The following DDAH1 variants were observed in gnomAD, a reference collection of about 807,000 sequenced individuals.
The protein encoded by DDAH1 is dimethylarginine dimethylaminohydrolase 1, also known as N(G),N(G)-dimethylarginine dimethylaminohydrolase 1.
Under a neutral mutation model 28.8 loss-of-function variants are expected in DDAH1, and 19 were observed. The ratio of observed to expected loss-of-function variants is 0.66; its 90% CI spans 0.46 to 0.97. DDAH1 has a LOEUF of 0.97. Ranked by LOEUF, DDAH1 falls within the 50% of genes least tolerant of loss-of-function variation. The pLI is 0.00. For synonymous variants in DDAH1, 153 were observed against 154.4 expected (o/e 0.99, Z 0.07); for missense variants, 326 against 375.9 (o/e 0.87, Z 1.10).
At chr1:85,443,143 G>A (rs933032308) in intron 1 of DDAH1, among the ~76,000 whole-genome samples, 8 of 152,114 alleles carry the variant, frequency 5.3e-5, no homozygotes, top group African/African-American at 1.9e-4. Flanking sequence ...TTTTCTCTAG[G>A]ATTTTTATGG....
intron 1 of DDAH1, among the ~76,000 whole-genome samples, chr1:85,423,830 G>A (rs918871762): frequency 2.0e-5 from 3 of 152,148 alleles, no homozygotes; most frequent in African/African-American, 7.2e-5. Flanking sequence ...GTTTTGAACA[G>A]CAGTGGTCAG....
chr1:85,471,897 C>T (rs766872994), intron 2 of DDAH1, among the ~76,000 whole-genome samples: 1 of 152,194 alleles, frequency 6.6e-6, no homozygotes, highest in Non-Finnish European at 1.5e-5. Context: ...TCTGTTGGGG[C>T]TCAGAAAACA....
At chr1:85,511,884 G>T (rs1323808567) in intron 1 of DDAH1, among the ~76,000 whole-genome samples, 2 of 152,128 alleles carry the variant, frequency 1.3e-5, no homozygotes, top group Non-Finnish European at 2.9e-5. Context: ...AAAAGTCCAG[G>T]ACCAGATGGA....
At chr1:85,466,843 T>TTTTTTTTTTTTTTTTG (rs1655402967), upstream of DDAH1, among the ~76,000 whole-genome samples, 1 of 130,342 alleles carries the variant, frequency 7.7e-6, no homozygotes, top group African/African-American at 2.8e-5. Context: ...TTTTTTTTTT[T>TTTTTTTTTTTTTTTTG]TTTTTTTTTT....
At chr1:85,546,039 TTGAAC>T (rs1658613123) in intron 1 of DDAH1, among the ~76,000 whole-genome samples, 1 of 152,022 alleles carries the variant, frequency 6.6e-6, no homozygotes, top group Non-Finnish European at 1.5e-5. Context: ...GTTGTGAAGA[TTGAAC>T]ATAACACACC....
intron 1 of DDAH1, among the ~76,000 whole-genome samples, chr1:85,573,501 A>T (rs1207764957): frequency 1.3e-5 from 2 of 152,240 alleles, no homozygotes; most frequent in Admixed American, 1.3e-4. Context: ...CCTTTCCAAT[A>T]AAATGTTTCT....
At chr1:85,331,855 T>A (rs1315562188) in intron 4 of DDAH1, among the ~76,000 whole-genome samples, 1 of 152,096 alleles carries the variant, frequency 6.6e-6, no homozygotes, top group African/African-American at 2.4e-5. Context: ...GAGAGAATGC[T>A]GGAATTCAGC....
intron 1 of DDAH1, among the ~76,000 whole-genome samples, chr1:85,522,465 G>T (rs1426118641): frequency 7.8e-5 from 11 of 141,412 alleles, no homozygotes; most frequent in Non-Finnish European, 4.6e-5. Context: ...CTAAGGGGCA[G>T]AATTTAATTC....
At chr1:85,331,404 G>T (rs1647751342) in intron 4 of DDAH1, among the ~76,000 whole-genome samples, 1 of 113,068 alleles carries the variant, frequency 8.8e-6, no homozygotes, top group African/African-American at 3.1e-5. Context: ...ACTCATAATT[G>T]ATCTTTATAT....
In DDAH1 at chr1:85,389,761, G is replaced by A. The variant is rs1037969911; in HGVS notation, c.304-30914C>T. On this transcript the variant is annotated intron_variant, in intron 1 of 5. Transcript: ENST00000284031. ...CAAGGAAGATTAACTCCTTGACCTAGGGGAACTCATGTTCTAGTTGGGAGT... is the reference window on the plus strand; with the variant it reads ...CAAGGAAGATTAACTCCTTGACCTAAGGGAACTCATGTTCTAGTTGGGAGT... 2.6e-5 allele frequency among the ~76,000 whole-genome samples: 4 copies of A among 152,172 alleles called. No homozygotes were observed. The East Asian group carries it at 7.7e-4, about 29-fold the overall frequency.
At chr1:85,366,636 C>T (rs1349175964) in intron 1 of DDAH1, among the ~76,000 whole-genome samples, 1 of 152,028 alleles carries the variant, frequency 6.6e-6, no homozygotes, top group Non-Finnish European at 1.5e-5. Flanking sequence ...ACTGAAAATA[C>T]CCCAGATGGT....
chr1:85,503,518 CATCTATCT>C (rs61426289), intron 1 of DDAH1, among the ~76,000 whole-genome samples: 3,854 of 144,094 alleles, frequency 0.027, 65 homozygotes, highest in East Asian at 0.071. Flanking sequence ...CTTTAAAGTT[CATCTATCT>C]ATCTATCTAT....
At chr1:85,440,485 T>C (rs1654140506) in intron 1 of DDAH1, among the ~76,000 whole-genome samples, 1 of 152,218 alleles carries the variant, frequency 6.6e-6, no homozygotes, top group Admixed American at 6.5e-5. Flanking sequence ...GACTGTTATA[T>C]GGGTCTATGA....
chr1:85,408,621 G>C (rs765947460), intron 1 of DDAH1, among the ~76,000 whole-genome samples: 3 of 152,084 alleles, frequency 2.0e-5, no homozygotes, highest in Non-Finnish European at 4.4e-5. Flanking sequence ...TTTCTGAAAT[G>C]GGGCAAGTTA....
intron 1 of DDAH1, among the ~76,000 whole-genome samples, chr1:85,523,975 C>A (rs561965076): frequency 6.6e-6 from 1 of 151,916 alleles, no homozygotes; most frequent in Admixed American, 6.5e-5. Flanking sequence ...TCATTATCCT[C>A]ACACTTATTG....
intron 1 of DDAH1, among the ~76,000 whole-genome samples, chr1:85,419,841 A>G (rs1368687336): frequency 6.6e-6 from 1 of 152,198 alleles, no homozygotes; most frequent in African/African-American, 2.4e-5. Flanking sequence ...TTATTTTTTA[A>G]GACCTTGAGA....
intron 1 of DDAH1, among the ~76,000 whole-genome samples, chr1:85,402,221 T>TG (rs1056093826): frequency 2.7e-5 from 4 of 150,050 alleles, no homozygotes; most frequent in African/African-American, 9.8e-5. Flanking sequence ...AGGCTTATCT[T>TG]GAACTTTTAG....
At chr1:85,509,079 A>G (rs1657131932) in intron 1 of DDAH1, among the ~76,000 whole-genome samples, 1 of 152,234 alleles carries the variant, frequency 6.6e-6, no homozygotes, top group African/African-American at 2.4e-5. Context: ...GGGCTGACAG[A>G]TACCTCATAT....
intron 2 of DDAH1, among the ~76,000 whole-genome samples, chr1:85,478,031 A>G (rs978120837): frequency 5.3e-5 from 8 of 152,176 alleles, no homozygotes; most frequent in African/African-American, 1.7e-4. Flanking sequence ...CCTTCTAAAA[A>G]AAATTAGAAA....
Sources: allele counts gnomAD v4.1 joint callset (sites outside exome capture counted in the v4.1 genomes callset), GRCh38; gene constraint gnomAD v4.1.1; transcripts MANE v1.5; gene names NCBI Gene and HGNC (gene_info 2026-07-23, HGNC 2026-07-21).